Variants in TAFA5 observed in about 807,000 individuals in gnomAD.
TAFA5 encodes chemokine-like protein TAFA-5.
TAFA5 carries 6 observed loss-of-function variants against 15.3 expected under a neutral mutation model. The ratio of observed to expected loss-of-function variants is 0.39; its 90% CI spans 0.21 to 0.77. The LOEUF (loss-of-function observed/expected upper bound fraction) is 0.77, where lower values mean the gene tolerates loss of function less well. TAFA5 is among the 30% of genes least tolerant of loss of function. The pLI, the probability that TAFA5 is intolerant of heterozygous loss-of-function variation, is 0.41. For missense variants in TAFA5, 161 were observed against 193.1 expected (o/e 0.83, Z 0.98); for synonymous variants, 103 against 80.7 (o/e 1.28, Z -1.48).
intron 1 of TAFA5, among the ~76,000 whole-genome samples, chr22:48,643,799 G>A (rs1415605920): frequency 6.6e-6 from 1 of 152,242 alleles, no homozygotes; most frequent in African/African-American, 2.4e-5. Flanking sequence ...TGGCCCTGGG[G>A]TGGCCTGGAC....
intron 3 of TAFA5, among the ~76,000 whole-genome samples, chr22:48,744,869 C>T (rs1930282099): frequency 6.6e-6 from 1 of 152,256 alleles, no homozygotes; most frequent in Non-Finnish European, 1.5e-5. Context: ...AAGCGATTCT[C>T]CTGCCTCAGC....
chr22:48,521,478 T>G (rs1184303924), intron 1 of TAFA5, among the ~76,000 whole-genome samples: 1 of 152,090 alleles, frequency 6.6e-6, no homozygotes, highest in Non-Finnish European at 1.5e-5. Flanking sequence ...TGATATTGTT[T>G]GTTCTCGGTG....
chr22:48,599,926 G>A (rs996151252), intron 1 of TAFA5, among the ~76,000 whole-genome samples: 7 of 152,174 alleles, frequency 4.6e-5, no homozygotes, highest in African/African-American at 1.7e-4. Flanking sequence ...ACAGGCTGGG[G>A]GCCGCTGGTC....
rs558911734 is a variant in TAFA5 at position 48,490,692 on chromosome 22, C to T, written c.112+988C>T. ...GGAGCTCCGGGCTTCTTGTCTTCAG[C>T]GGGAGAATAGGACGGGTGCTGGGGA... On this transcript the variant is annotated intron_variant, in intron 1 of 3. Coordinates refer to ENST00000402357, the MANE Select transcript of TAFA5 (RefSeq NM_001082967.3). The surrounding 1 kb of genome is among the most constrained non-coding windows in gnomAD (Gnocchi z 5.8). Among the ~76,000 whole-genome samples, 1 of 144,870 alleles carries T rather than the reference C, an allele frequency of 6.9e-6. No homozygotes were observed. The highest frequency in any genetic ancestry group is 2.1e-4 in the East Asian group (1 of 4,712).
At position 48,658,074 on chromosome 22, in the gene TAFA5, C is replaced by T. The variant is rs1329841347; in HGVS notation, c.262+11328C>T. 2.6e-5 allele frequency among the ~76,000 whole-genome samples: 4 copies of T among 152,198 alleles called. No individual in the cohort carries two copies. The South Asian group carries it at 8.3e-4, about 32-fold the overall frequency. ...TCCAGGAAGCCGAGAGCTGAGGGGG[C>T]CCAGCATGTGGTGCTGGCGCGGGCC... is the stretch of plus-strand genomic sequence containing the variant. On this transcript the variant is annotated intron_variant, in intron 2 of 3. Coordinates refer to ENST00000402357, the MANE Select transcript of TAFA5 (RefSeq NM_001082967.3).
At chr22:48,570,666 A>C (rs764568030) in intron 1 of TAFA5, among the ~76,000 whole-genome samples, 74 of 152,306 alleles carry the variant, frequency 4.9e-4, no homozygotes, top group Middle Eastern at 3.4e-3. Context: ...TCTCCATTAA[A>C]ACACTGCCTT....
In TAFA5 at chr22:48,560,988, G is replaced by A. The variant is rs1014680194; in HGVS notation, c.112+71284G>A. Among the ~76,000 whole-genome samples, 29 of 152,136 alleles carry A rather than the reference G, an allele frequency of 1.9e-4. No homozygotes were observed. Among genetic ancestry groups the A allele is most frequent in the Non-Finnish European group, 2.9e-5 (2 of 68,022 alleles). ...CATCCTGTGCAGTCCTCTACACCTG[G>A]GGATGGAGCGGTTCCCTGTGTGGGT... On this transcript the variant is annotated intron_variant, in intron 1 of 3. Coordinates refer to ENST00000402357, the MANE Select transcript of TAFA5 (RefSeq NM_001082967.3). The surrounding 1 kb of genome is among the most constrained non-coding windows in gnomAD (Gnocchi z 4.2).
intron 1 of TAFA5, among the ~76,000 whole-genome samples, chr22:48,511,855 G>A (rs996326900): frequency 9.9e-5 from 15 of 152,260 alleles, no homozygotes; most frequent in African/African-American, 3.6e-4. Context: ...CCGAAGCCGA[G>A]GCTGATGTCT....
At chr22:48,601,487 C>T (rs372678893) in intron 1 of TAFA5, among the ~76,000 whole-genome samples, 4 of 152,140 alleles carry the variant, frequency 2.6e-5, no homozygotes, top group African/African-American at 4.8e-5. Context: ...CCACCATGCC[C>T]GGCGAATTTT....
chr22:48,562,548 C>A (rs893355011), intron 1 of TAFA5, among the ~76,000 whole-genome samples: 1 of 152,284 alleles, frequency 6.6e-6, no homozygotes, highest in South Asian at 2.1e-4. Flanking sequence ...CAGCAGCAAG[C>A]CCAGTCCTCC....
chr22:48,588,271 C>T (rs553411884), intron 1 of TAFA5, among the ~76,000 whole-genome samples: 27 of 152,310 alleles, frequency 1.8e-4, no homozygotes, highest in African/African-American at 5.8e-4. Context: ...TCCTTTGCTC[C>T]TCAGGCCACC....
At chr22:48,633,520 G>GTCTCTCTCTCTCTCTCTCTCTC (rs1348013978) in intron 1 of TAFA5, among the ~76,000 whole-genome samples, 1 of 44,224 alleles carries the variant, frequency 2.3e-5, no homozygotes, top group Non-Finnish European at 4.6e-5. Context: ...CTGTCTGTCT[G>GTCTCTCTCTCTCTCTCTCTCTC]TCTGTCTGTC....
intron 2 of TAFA5, among the ~76,000 whole-genome samples, chr22:48,667,755 GCCGCGTCTTCACTGGGA>G (rs1927667770): frequency 7.2e-6 from 1 of 139,502 alleles, no homozygotes; most frequent in Non-Finnish European, 1.5e-5. Context: ...AGCACTCAGG[GCCGCGTCTTCACTGGGA>G]GCTGTAATCC....
In TAFA5 at chr22:48,626,298, T is replaced by G. The variant is rs1926024255; in HGVS notation, c.113-20299T>G. On this transcript the variant is annotated intron_variant, in intron 1 of 3. Transcript: ENST00000402357. ...TGTCTTCCAAAGTGGCTGCATTATA[T>G]CGGACCCCCGCCGGCCGTGAAGGAG... is the stretch of plus-strand genomic sequence containing the variant. Among the ~76,000 whole-genome samples the G allele has an allele frequency of 2.0e-5, 3 of 152,214 alleles. No individual in the cohort carries two copies. In the South Asian group the frequency reaches 6.2e-4, roughly 32 times the overall value.
At chr22:48,686,324 G>C (rs1363098484) in intron 2 of TAFA5, among the ~76,000 whole-genome samples, 3 of 152,200 alleles carry the variant, frequency 2.0e-5, no homozygotes, top group African/African-American at 7.2e-5. Flanking sequence ...CTACGATCAT[G>C]GTGCCAGTAG....
intron 1 of TAFA5, among the ~76,000 whole-genome samples, chr22:48,635,676 C>T (rs1220902105): frequency 6.6e-6 from 1 of 152,198 alleles, no homozygotes; most frequent in Non-Finnish European, 1.5e-5. Flanking sequence ...GTCTGCAGGA[C>T]ATATTCCCAG....
chr22:48,590,445 A>T (rs1402446512), intron 1 of TAFA5, among the ~76,000 whole-genome samples: 1 of 152,114 alleles, frequency 6.6e-6, no homozygotes, highest in Non-Finnish European at 1.5e-5. Flanking sequence ...TCACGGGCTG[A>T]TGGGAGGTTT....
At chr22:48,699,724 C>T (rs891510241) in intron 2 of TAFA5, among the ~76,000 whole-genome samples, 2 of 152,196 alleles carry the variant, frequency 1.3e-5, no homozygotes, top group African/African-American at 4.8e-5. Context: ...CTTTGCCTTG[C>T]AGCGTGAGTA....
At chr22:48,571,068 A>C (rs1254047849) in intron 1 of TAFA5, among the ~76,000 whole-genome samples, 2 of 152,110 alleles carry the variant, frequency 1.3e-5, no homozygotes, top group African/African-American at 2.4e-5. Context: ...AAGGGATGGG[A>C]CTAGTAAACT....
Sources: gnomAD v4.1 joint callset for allele counts (sites outside exome capture counted in the v4.1 genomes callset) on GRCh38, gnomAD v4.1.1 for gene constraint, Gnocchi (gnomAD v3.1) non-coding constraint, MANE v1.5 for transcripts, NCBI Gene and HGNC (gene_info 2026-07-23, HGNC 2026-07-21) for gene names.